The following PON3 variants were observed in gnomAD, a reference collection of about 807,000 sequenced individuals.
The protein encoded by PON3 is paraoxonase 3, also known as serum paraoxonase/lactonase 3.
A neutral mutation model predicts 36.3 loss-of-function variants in PON3; 37 were observed. The ratio of observed to expected loss-of-function variants is 1.02; its 90% CI spans 0.78 to 1.34. The LOEUF (loss-of-function observed/expected upper bound fraction) is 1.34, where lower values mean the gene tolerates loss of function less well. Among genes scored for constraint, PON3 ranks in the 40% most tolerant of loss-of-function variants. PON3 has a pLI of 0.00. For missense variants in PON3, 415 were observed against 426.5 expected (o/e 0.97, Z 0.24); for synonymous variants, 155 against 154.8 (o/e 1.00, Z -0.01).
At chr7:95,367,312 A>G in intron 5 of PON3, 50 bp downstream of exon 5, 1 of 1,601,452 alleles carries the variant, frequency 6.2e-7, no homozygotes, top group Non-Finnish European at 8.5e-7. Context: ...TACAAAGCAC[A>G]CAGCAGAGGT....
rs538369651 is a variant in PON3 at position 95,396,144 on chromosome 7, G to A, written c.74+133C>T. 1.1e-4 allele frequency: 106 copies of A among 967,410 alleles called. No homozygotes were observed. The African/African-American group carries it at 1.5e-3, about 13-fold the overall frequency. The allele number at this position is 967,410 out of a possible 1,614,324, so 59.9% of individuals were successfully genotyped here. Reference sequence around the variant, plus strand: ...AGCGAGTCTCAAGGGGCGGTTTGCTGGGTGAGATGGAGGAGTGAGGTTCCA... The same window carrying A: ...AGCGAGTCTCAAGGGGCGGTTTGCTAGGTGAGATGGAGGAGTGAGGTTCCA... On this transcript the variant is annotated intron_variant, in intron 1 of 8. Transcript: ENST00000265627.
chr7:95,394,141 G>GC (rs1310007712), intron 2 of PON3, among the ~76,000 whole-genome samples: 1 of 151,952 alleles, frequency 6.6e-6, no homozygotes, highest in Admixed American at 6.6e-5. Flanking sequence ...CTCATGATCC[G>GC]CCCCCCTCGG....
Position 95,362,747 on chromosome 7 carries a change from A to G in PON3, c.777+13T>C, listed in dbSNP as rs574668634. 1.7e-5 allele frequency: 27 copies of G among 1,588,286 alleles called. No individual in the cohort carries two copies. Among genetic ancestry groups the G allele is most frequent in the Middle Eastern group, 1.7e-4 (1 of 6,036 alleles). Reference sequence around the variant, plus strand: ...AGAAGTCAGATTGTGTGGGCCAGACAGGGTACTCTTACCTTCAGTTGAGTT... The same window carrying G: ...AGAAGTCAGATTGTGTGGGCCAGACGGGGTACTCTTACCTTCAGTTGAGTT... On this transcript the variant is annotated intron_variant, in intron 7 of 8. Coordinates refer to ENST00000265627, the MANE Select transcript of PON3 (RefSeq NM_000940.3).
chr7:95,377,321 A>G (rs1808942088), intron 3 of PON3, among the ~76,000 whole-genome samples: 1 of 152,178 alleles, frequency 6.6e-6, no homozygotes, highest in Admixed American at 6.5e-5. Flanking sequence ...CTTGCTGTAG[A>G]TTCCACCTCT....
At chr7:95,379,041 A>T (rs1263602651) in intron 3 of PON3, among the ~76,000 whole-genome samples, 1 of 150,720 alleles carries the variant, frequency 6.6e-6, no homozygotes, top group African/African-American at 2.4e-5. Flanking sequence ...GGCTCAAAAT[A>T]AAGGGATGGA....
At chr7:95,380,078 T>C (rs1809011908) in intron 3 of PON3, among the ~76,000 whole-genome samples, 2 of 152,212 alleles carry the variant, frequency 1.3e-5, no homozygotes, top group African/African-American at 4.8e-5. Flanking sequence ...CCGCTGCTGA[T>C]ACCCAGGCAA....
At chr7:95,376,906 G>A (rs1158783294) in intron 3 of PON3, among the ~76,000 whole-genome samples, 2 of 152,240 alleles carry the variant, frequency 1.3e-5, no homozygotes, top group Non-Finnish European at 2.9e-5. Flanking sequence ...TGGACAGTGG[G>A]TGCAGCCCAT....
At chr7:95,367,234 G>C in intron 5 of PON3, 128 bp downstream of exon 5, 3 of 1,197,498 alleles carry the variant, frequency 2.5e-6, no homozygotes, top group Non-Finnish European at 3.5e-6. Flanking sequence ...GGAATCATTA[G>C]AAAGCTTTAG....
intron 1 of PON3, among the ~76,000 whole-genome samples, chr7:95,395,456 TG>T (rs1809408068): frequency 6.6e-6 from 1 of 152,196 alleles, no homozygotes; most frequent in Non-Finnish European, 1.5e-5. Context: ...ATTCTCCATG[TG>T]GTTGCACTGG....
intron 8 of PON3, among the ~76,000 whole-genome samples, chr7:95,362,032 T>A (rs1454831156): frequency 6.6e-6 from 1 of 152,196 alleles, no homozygotes; most frequent in East Asian, 1.9e-4. Context: ...TGGTACCATA[T>A]ACAACTCTCT....
At chr7:95,388,295 C>A (rs1189690797) in intron 3 of PON3, among the ~76,000 whole-genome samples, 1 of 152,184 alleles carries the variant, frequency 6.6e-6, no homozygotes, top group Non-Finnish European at 1.5e-5. Context: ...TGAAGAGACA[C>A]TTCTCAAAAG....
At chr7:95,384,379 C>G (rs1428339835) in intron 3 of PON3, among the ~76,000 whole-genome samples, 1 of 152,138 alleles carries the variant, frequency 6.6e-6, no homozygotes, top group African/African-American at 2.4e-5. Flanking sequence ...TAAAGAGCTT[C>G]TGCATAGCAA....
intron 3 of PON3, among the ~76,000 whole-genome samples, chr7:95,385,281 A>C (rs1809162847): frequency 6.6e-6 from 1 of 152,192 alleles, no homozygotes; most frequent in South Asian, 2.1e-4. Flanking sequence ...GCAGCACACC[A>C]ACATGGCACA....
chr7:95,386,438 G>C (rs934510148), intron 3 of PON3, among the ~76,000 whole-genome samples: 3 of 152,138 alleles, frequency 2.0e-5, no homozygotes, highest in African/African-American at 7.2e-5. Flanking sequence ...CCAGGAAAAA[G>C]TTGAATCTCT....
chr7:95,395,167 C>CT (rs1400750832), intron 1 of PON3, among the ~76,000 whole-genome samples: 7 of 152,154 alleles, frequency 4.6e-5, no homozygotes, highest in Non-Finnish European at 1.0e-4. Flanking sequence ...TAGTCAAACT[C>CT]TATCACTTTT....
intron 2 of PON3, among the ~76,000 whole-genome samples, chr7:95,394,120 G>T (rs912898537): frequency 2.6e-5 from 4 of 152,020 alleles, no homozygotes; most frequent in Non-Finnish European, 4.4e-5. Context: ...GGATGGTCTC[G>T]ATCTCCTGAC....
chr7:95,369,681 C>A (rs1360792516), intron 4 of PON3, among the ~76,000 whole-genome samples: 1 of 152,140 alleles, frequency 6.6e-6, no homozygotes, highest in Non-Finnish European at 1.5e-5. Context: ...GAGGCTGAGG[C>A]ATGAGAATTG....
At chr7:95,384,439 T>G (rs1469453089) in intron 3 of PON3, among the ~76,000 whole-genome samples, 1 of 151,962 alleles carries the variant, frequency 6.6e-6, no homozygotes, top group Non-Finnish European at 1.5e-5. Flanking sequence ...GCAAGAAAAT[T>G]TTTTCAGTCT....
Position 95,367,496 on chromosome 7 carries a change from GA to G in PON3, c.368-9del, listed in dbSNP as rs768672513. 6.8e-6 allele frequency: 11 copies of G among 1,611,956 alleles called. No individual in the cohort carries two copies. The East Asian group carries it at 1.1e-4, about 16-fold the overall frequency. Reference sequence around the variant, plus strand: ...AAAGATACACAGTATTGTCTACATGGAAAAAAGGGATAATTTCCAAGAAAGT... The same window carrying G: ...AAAGATACACAGTATTGTCTACATGGAAAAAGGGATAATTTCCAAGAAAGT... On this transcript the variant is annotated splice_polypyrimidine_tract_variant and intron_variant, in intron 4 of 8. Transcript: ENST00000265627.
Sources: allele counts gnomAD v4.1 joint callset (sites outside exome capture counted in the v4.1 genomes callset), GRCh38; gene constraint gnomAD v4.1.1; transcripts MANE v1.5; gene names NCBI Gene and HGNC (gene_info 2026-07-23, HGNC 2026-07-21).